The following MYLK variants were observed in gnomAD, a reference collection of about 807,000 sequenced individuals.
The protein encoded by MYLK is myosin light chain kinase.
Under a neutral mutation model 203.4 loss-of-function variants are expected in MYLK, and 106 were observed. That is an observed-to-expected ratio of 0.52 (90% confidence interval 0.45 to 0.61). The LOEUF is 0.61. MYLK is among the 20% of genes least tolerant of loss of function. MYLK has a pLI of 0.00. For synonymous variants in MYLK, 867 were observed against 959.5 expected (o/e 0.90, Z 1.78); for missense variants, 2,072 against 2,442.3 (o/e 0.85, Z 3.20).
intron 20 of MYLK, 192 bp downstream of exon 20, chr3:123,682,032 G>T (rs2060283546): frequency 1.5e-6 from 1 of 660,636 alleles, no homozygotes; most frequent in Non-Finnish European, 2.8e-6. Context: ...GCACTGGGAT[G>T]GGGTGAGAAA....
At chr3:123,841,893 G>GT (rs977527148) in intron 2 of MYLK, among the ~76,000 whole-genome samples, 1 of 152,058 alleles carries the variant, frequency 6.6e-6, no homozygotes, top group African/African-American at 2.4e-5. Context: ...AGAGACAGGG[G>GT]TTAAAAAAGA....
At chr3:123,677,920 C>CATAT (rs2060130493) in intron 20 of MYLK, among the ~76,000 whole-genome samples, 1 of 27,568 alleles carries the variant, frequency 3.6e-5, no homozygotes, top group African/African-American at 1.1e-4. Flanking sequence ...TATATATATA[C>CATAT]ACACACACAC....
intron 3 of MYLK, among the ~76,000 whole-genome samples, chr3:123,796,021 G>T (rs1028723983): frequency 1.3e-5 from 2 of 152,142 alleles, no homozygotes; most frequent in African/African-American, 4.8e-5. Context: ...TCCCCTGCTT[G>T]ATAAACCCAG....
At chr3:123,842,902 AG>A (rs2066628406) in intron 2 of MYLK, among the ~76,000 whole-genome samples, 1 of 152,254 alleles carries the variant, frequency 6.6e-6, no homozygotes, top group Non-Finnish European at 1.5e-5. Flanking sequence ...CCCTAAGGCA[AG>A]ACTATGTCTA....
chr3:123,784,222 A>G (rs564785077), intron 4 of MYLK, among the ~76,000 whole-genome samples: 2 of 152,268 alleles, frequency 1.3e-5, no homozygotes, highest in Admixed American at 6.5e-5. Flanking sequence ...GCCATGTGGA[A>G]ACATTGCCAG....
rs558895833 is a variant in MYLK at position 123,807,624 on chromosome 3, G to A, written c.-3-13780C>T. Among the ~76,000 whole-genome samples the A allele has an allele frequency of 2.8e-4, 43 of 152,312 alleles. No individual in the cohort carries two copies. The South Asian group carries it at 8.7e-3, about 31-fold the overall frequency. ...TACATTTGCCCTAAACAAACGGGGT[G>A]ACTTCATTTGAATCCCTCATGCCTG... On this transcript the variant is annotated intron_variant, in intron 3 of 33. Transcript: ENST00000360304.
chr3:123,637,307 C>T (rs949996481), intron 29 of MYLK, among the ~76,000 whole-genome samples: 1 of 152,096 alleles, frequency 6.6e-6, no homozygotes, highest in African/African-American at 2.4e-5. Flanking sequence ...AGAGCGCAGT[C>T]GTTGAACCAG....
Position 123,707,926 on chromosome 3 carries a change from T to G in MYLK, c.2218A>C (p.Ile740Leu). ...VTASLGQSVL[I>L]SCAIAGDPFP... ...GGGTCACCAGCTATGGCGCAGGAGATGAGGACACTCTGGCCCAGGGAGGCT... is the reference window on the plus strand; with the variant it reads ...GGGTCACCAGCTATGGCGCAGGAGAGGAGGACACTCTGGCCCAGGGAGGCT... Residue 740 changes from isoleucine to leucine, a missense_variant, in exon 16 of 34, where the codon ATC (isoleucine) becomes CTC (leucine). Ile to Leu is a conservative substitution (Grantham distance 5). Coordinates refer to ENST00000360304, the MANE Select transcript of MYLK (RefSeq NM_053025.4). 6.2e-7 allele frequency: 1 copy of G among 1,614,164 alleles called. No homozygotes were observed.
intron 27 of MYLK, among the ~76,000 whole-genome samples, chr3:123,645,963 G>A (rs1358010088): frequency 1.3e-5 from 2 of 152,296 alleles, no homozygotes; most frequent in East Asian, 3.9e-4. Flanking sequence ...GGGCAACATG[G>A]TGAAATCCTA....
In MYLK at chr3:123,648,687, T is replaced by A. The variant is rs2059106995; in HGVS notation, c.4415+284A>T. Among the ~76,000 whole-genome samples the A allele has an allele frequency of 6.6e-6, 1 of 152,048 alleles. No homozygotes were observed. Among genetic ancestry groups the A allele is most frequent in the South Asian group, 2.1e-4 (1 of 4,826 alleles). ...AGTGAGTGTTATTCCCCTCCCTGTG[T>A]CTCATTTTGGTCCTGGGCTCTGAAC... On this transcript the variant is annotated intron_variant, in intron 26 of 33. Coordinates refer to ENST00000360304, the MANE Select transcript of MYLK (RefSeq NM_053025.4). The surrounding 1 kb of genome is among the most constrained non-coding windows in gnomAD (Gnocchi z 4.5).
intron 5 of MYLK, among the ~76,000 whole-genome samples, chr3:123,740,786 G>T (rs2062833148): frequency 6.6e-6 from 1 of 152,242 alleles, no homozygotes; most frequent in Non-Finnish European, 1.5e-5. Flanking sequence ...GGTCCTAGGT[G>T]AGATGATGAG....
chr3:123,738,900 G>A lies in MYLK; in HGVS notation c.585C>T (p.Leu195=). ...TCAGGGCAGACAGAAACCTCACCTTGAGCCAGGTGACCTGCGGTTGGGGCC... is the reference window on the plus strand; with the variant it reads ...TCAGGGCAGACAGAAACCTCACCTTAAGCCAGGTGACCTGCGGTTGGGGCC... ...TGRPQPQVTW[L]KGNVPLQPSA... Residue 195 remains leucine (L), a synonymous_variant, in exon 7 of 34, where the codon CTC becomes CTT. Transcript: ENST00000360304. 2 of 1,609,162 alleles carry A rather than the reference G, an allele frequency of 1.2e-6. No homozygotes were observed. Among genetic ancestry groups the A allele is most frequent in the African/African-American group, 2.7e-5 (2 of 74,958 alleles).
chr3:123,806,180 T>C (rs2065359887), intron 3 of MYLK, among the ~76,000 whole-genome samples: 1 of 152,262 alleles, frequency 6.6e-6, no homozygotes. Flanking sequence ...TCTCAGATTC[T>C]AGGTTACTGT....
intron 1 of MYLK, among the ~76,000 whole-genome samples, chr3:123,880,814 G>A (rs2033482870): frequency 6.6e-6 from 1 of 152,168 alleles, no homozygotes; most frequent in Non-Finnish European, 1.5e-5. Context: ...GGCAGCAACT[G>A]TTGCTGGCTC....
chr3:123,878,366 G>A (rs72974244), intron 1 of MYLK, among the ~76,000 whole-genome samples: 1 of 152,128 alleles, frequency 6.6e-6, no homozygotes, highest in Non-Finnish European at 1.5e-5. Flanking sequence ...GCATCTTCCT[G>A]GTGTTTCCCA....
chr3:123,724,557 AAC>A (rs1210134770), intron 12 of MYLK, among the ~76,000 whole-genome samples: 1 of 152,054 alleles, frequency 6.6e-6, no homozygotes, highest in Non-Finnish European at 1.5e-5. Context: ...CCTACCCAAG[AAC>A]ACTACATGTA....
At chr3:123,871,036 C>T (rs1577158632) in intron 2 of MYLK, among the ~76,000 whole-genome samples, 1 of 152,054 alleles carries the variant, frequency 6.6e-6, no homozygotes, top group South Asian at 2.1e-4. Flanking sequence ...ATGAAAGAAA[C>T]AGTCCATGGT....
At chr3:123,759,013 T>C (rs1049824539) in intron 4 of MYLK, among the ~76,000 whole-genome samples, 1 of 152,224 alleles carries the variant, frequency 6.6e-6, no homozygotes. Context: ...TTTGTAGAAA[T>C]GGGGTCTTTC....
At position 123,708,847 on chromosome 3, in the gene MYLK, T is replaced by C. The variant is rs200273207; in HGVS notation, c.1991A>G (p.Gln664Arg). 7.6e-4 allele frequency: 1,223 copies of C among 1,614,174 alleles called. 4 individuals carry two copies. Among genetic ancestry groups the C allele is most frequent in the Middle Eastern group, 2.0e-3 (12 of 6,060 alleles). ...TTCAAAGTGGAAGTCCTCTGACTCT[T>C]GGATCTCATTCCCATTGTGCAGCCA... ...VIWLHNGNEI[Q>R]ESEDFHFEQR... Residue 664 changes from glutamine to arginine, a missense_variant, in exon 15 of 34, where the codon CAA becomes CGA. Physicochemically the swap from Gln to Arg is conservative, Grantham distance 43 (BLOSUM62 1). Around this residue, in one of 3 missense-constraint regions of MYLK, gnomAD observed 865 missense variants for 1,016.0 expected, o/e 0.85. Transcript: ENST00000360304.
Sources: gnomAD v4.1 joint callset for allele counts (sites outside exome capture counted in the v4.1 genomes callset) on GRCh38, gnomAD v4.1.1 for gene constraint, gnomAD v4.1.1 regional missense constraint, Gnocchi (gnomAD v3.1) non-coding constraint, MANE v1.5 for transcripts, NCBI Gene and HGNC (gene_info 2026-07-23, HGNC 2026-07-21) for gene names.